POU2F2: variants seen among roughly 807,000 people sequenced by gnomAD.
POU2F2 encodes the protein POU class 2 homeobox 2, also known as POU domain, class 2, transcription factor 2.
Under a neutral mutation model 63.5 loss-of-function variants are expected in POU2F2, and 14 were observed. The ratio of observed to expected loss-of-function variants is 0.22; its 90% CI spans 0.15 to 0.34. The LOEUF (loss-of-function observed/expected upper bound fraction) is 0.34. Ranked by LOEUF, POU2F2 falls within the 10% of genes least tolerant of loss-of-function variation. The pLI, the probability that POU2F2 is intolerant of heterozygous loss-of-function variation, is 1.00. For synonymous variants in POU2F2, 306 were observed against 348.6 expected (o/e 0.88, Z 1.36); for missense variants, 607 against 815.2 (o/e 0.74, Z 3.11).
chr19:42,162,021 C>T lies in POU2F2; in HGVS notation c.-69-1629G>A, dbSNP rs2034561337. Among the ~76,000 whole-genome samples, 1 of 152,216 alleles carries T rather than the reference C, an allele frequency of 6.6e-6. No homozygotes were observed. Among genetic ancestry groups the T allele is most frequent in the Non-Finnish European group, 1.5e-5 (1 of 68,036 alleles). Reference sequence around the variant, plus strand: ...AATTAGCCGCGCTGAGTGTTGAACACGGTGGCGACACGGCATTAACCGTCA... The same window carrying T: ...AATTAGCCGCGCTGAGTGTTGAACATGGTGGCGACACGGCATTAACCGTCA... On this transcript the variant is annotated intron_variant, in intron 1 of 6. Coordinates refer to the POU2F2 transcript ENST00000524801. The surrounding 1 kb of genome is among the most constrained non-coding windows in gnomAD (Gnocchi z 4.1).
At position 42,093,809 on chromosome 19, in the gene POU2F2, C is replaced by T; in HGVS notation, c.1264+20G>A. The T allele has an allele frequency of 6.3e-7, 1 of 1,596,104 alleles. No homozygotes were observed. Among genetic ancestry groups the T allele is most frequent in the Non-Finnish European group, 8.6e-7 (1 of 1,166,362 alleles). On this transcript the variant is annotated intron_variant, in intron 12 of 14. Transcript: ENST00000692977. ...CCACATCCTCCCAGTCCCCCCTCACCATTTTCTGCCCTCCCTGACCTGTTG... is the reference window on the plus strand; with the variant it reads ...CCACATCCTCCCAGTCCCCCCTCACTATTTTCTGCCCTCCCTGACCTGTTG...
chr19:42,111,192 A>G (rs2031024654), intron 5 of POU2F2, among the ~76,000 whole-genome samples: 1 of 151,978 alleles, frequency 6.6e-6, no homozygotes, highest in Non-Finnish European at 1.5e-5. Context: ...ATCATAGCTC[A>G]CTGCCATCTT....
intron 2 of POU2F2, among the ~76,000 whole-genome samples, chr19:42,159,620 C>G (rs2034517796): frequency 6.6e-6 from 1 of 152,138 alleles, no homozygotes; most frequent in Non-Finnish European, 1.5e-5. Context: ...GGCCAGAGCC[C>G]CTGCTTCCCA....
chr19:42,170,600 T>C (rs1403648823), intron 1 of POU2F2, among the ~76,000 whole-genome samples: 1 of 151,968 alleles, frequency 6.6e-6, no homozygotes, highest in African/African-American at 2.4e-5. Context: ...AGCAAACACA[T>C]ACACAAAGGC....
chr19:42,131,746 T>C (rs1039860491), intron 1 of POU2F2, among the ~76,000 whole-genome samples: 1 of 151,966 alleles, frequency 6.6e-6, no homozygotes, highest in African/African-American at 2.4e-5. Context: ...TAAAGCAGGG[T>C]GAGGGGACTG....
rs146197226 is a variant in POU2F2, at chr19:42,169,353, G to GT, written c.-70+6609dup. On this transcript the variant is annotated intron_variant, in intron 1 of 6. Coordinates refer to the POU2F2 transcript ENST00000524801. This position sits in a 1 kb window ranked among gnomAD's most constrained non-coding sequence, Gnocchi z 4.3. ...ATCTCCACACGAGGAGCACCCTGGTGTTTTGGTGTCTGTCTTGCCCTGAGA... is the reference window on the plus strand; with the variant it reads ...ATCTCCACACGAGGAGCACCCTGGTGTTTTTGGTGTCTGTCTTGCCCTGAGA... Among the ~76,000 whole-genome samples the GT allele has an allele frequency of 6.6e-3, 1,008 of 152,374 alleles. 14 individuals carry two copies. Among genetic ancestry groups the GT allele is most frequent in the African/African-American group, 0.023 (964 of 41,590 alleles).
At chr19:42,151,048 C>T (rs1285227757) in intron 2 of POU2F2, among the ~76,000 whole-genome samples, 1 of 152,212 alleles carries the variant, frequency 6.6e-6, no homozygotes, top group African/African-American at 2.4e-5. Flanking sequence ...AGGCCTTCCT[C>T]CCCTCCCCCC....
upstream of POU2F2, among the ~76,000 whole-genome samples, chr19:42,136,186 CT>C (rs775409108): frequency 1.7e-3 from 223 of 130,444 alleles, no homozygotes; most frequent in African/African-American, 1.8e-3. Flanking sequence ...CTATGCTTTC[CT>C]TTTTTTTTTT....
At chr19:42,102,862 C>T (rs895507114) in intron 5 of POU2F2, among the ~76,000 whole-genome samples, 2 of 152,046 alleles carry the variant, frequency 1.3e-5, no homozygotes, top group Non-Finnish European at 1.5e-5. Flanking sequence ...AAAGCAAAAC[C>T]GCTTTACACA....
At chr19:42,142,337 C>T (rs1308112934) in intron 2 of POU2F2, among the ~76,000 whole-genome samples, 2 of 151,860 alleles carry the variant, frequency 1.3e-5, no homozygotes, top group Non-Finnish European at 2.9e-5. Context: ...ATTACAGGCA[C>T]GTGCCACCAC....
At chr19:42,120,258 C>G (rs1375577303) in intron 4 of POU2F2, among the ~76,000 whole-genome samples, 2 of 151,172 alleles carry the variant, frequency 1.3e-5, no homozygotes, top group Non-Finnish European at 2.9e-5. Flanking sequence ...TCTCTGTTGC[C>G]CAGGCTGGAG....
Position 42,091,482 on chromosome 19 carries a change from C to T in POU2F2, c.1650G>A (p.Pro550=), listed in dbSNP as rs578085962. 2.2e-5 allele frequency: 34 copies of T among 1,549,524 alleles called. 1 individual carries two copies. The highest frequency in any genetic ancestry group is 1.8e-4 in the South Asian group (15 of 83,950). ...GCAGCCCAGCATGATTCAAGAAGAG[C>T]GGCGAGGTCACCAGGCCAGGGCTCC... is the stretch of plus-strand genomic sequence containing the variant. The part of the protein sequence containing the change: ...APGSPGLVTS[P]LFLNHAGLPL... Residue 550 remains proline, a synonymous_variant, in exon 15 of 15, where the codon CCG becomes CCA. Transcript: ENST00000692977.
At position 42,132,371 on chromosome 19, in the gene POU2F2, C is replaced by T; in HGVS notation, c.28+13G>A. 1.3e-6 allele frequency: 2 copies of T among 1,575,350 alleles called. No homozygotes were observed. Among genetic ancestry groups the T allele is most frequent in the East Asian group, 2.5e-5 (1 of 39,744 alleles). On this transcript the variant is annotated intron_variant, in intron 1 of 14. Coordinates refer to ENST00000692977, the MANE Select transcript of POU2F2 (RefSeq NM_001394376.1). ...TGTCCTCTGAGCAGTGGCACAGGCA[C>T]CAGCCCCCTTACCTGGAGCCCCCAT...
chr19:42,164,968 AG>A (rs1355439523), intron 1 of POU2F2, among the ~76,000 whole-genome samples: 1 of 151,906 alleles, frequency 6.6e-6, no homozygotes, highest in Non-Finnish European at 1.5e-5. Context: ...AAAAAAAAAA[AG>A]ACAGATAGCA....
chr19:42,130,721 C>T (rs1397778425), intron 1 of POU2F2, among the ~76,000 whole-genome samples: 2 of 151,352 alleles, frequency 1.3e-5, no homozygotes, highest in East Asian at 4.0e-4. Context: ...CCTCTCCTCA[C>T]CGCCTTTGCT....
intron 2 of POU2F2, among the ~76,000 whole-genome samples, chr19:42,141,898 T>C (rs1295490419): frequency 5.3e-5 from 8 of 152,210 alleles, no homozygotes; most frequent in Admixed American, 5.2e-4. Context: ...ATGCCACCGA[T>C]AGGACAGTGG....
intron 5 of POU2F2, among the ~76,000 whole-genome samples, chr19:42,100,223 C>T (rs1486510799): frequency 6.7e-6 from 1 of 148,502 alleles, no homozygotes; most frequent in Non-Finnish European, 1.5e-5. Flanking sequence ...TCCCAAGTAG[C>T]TGGGACTACA....
chr19:42,171,112 G>A (rs977837397), intron 1 of POU2F2, among the ~76,000 whole-genome samples: 6 of 152,328 alleles, frequency 3.9e-5, no homozygotes, highest in African/African-American at 4.8e-5. Context: ...TATGACCCTC[G>A]GCCCATGCCT....
In POU2F2 at chr19:42,095,948, G is replaced by T. The variant is rs2076904319; in HGVS notation, c.730-19C>A. The stretch of plus-strand genomic sequence containing the variant: ...CATCACCCTGGGCCAGTGGGGCGGG[G>T]AAGGGCCCGAAGTCAGGGTGGGGCC... On this transcript the variant is annotated intron_variant, in intron 8 of 14. Transcript: ENST00000692977. This position sits in a 1 kb window ranked among gnomAD's most constrained non-coding sequence, Gnocchi z 7.1. 1 of 1,609,508 alleles carries T rather than the reference G, an allele frequency of 6.2e-7. No individual in the cohort carries two copies. The highest frequency in any genetic ancestry group is 8.5e-7 in the Non-Finnish European group (1 of 1,177,548).
Sources: allele counts gnomAD v4.1 joint callset (sites outside exome capture counted in the v4.1 genomes callset), GRCh38; gene constraint gnomAD v4.1.1; non-coding constraint Gnocchi (gnomAD v3.1); transcripts MANE v1.5; gene names NCBI Gene and HGNC (gene_info 2026-07-23, HGNC 2026-07-21).